Variants in GPRASP1 observed in about 807,000 individuals in gnomAD.
GPRASP1 encodes the protein G protein-coupled receptor associated sorting protein 1.
Under a neutral mutation model 68.4 loss-of-function variants are expected in GPRASP1, and 28 were observed. The ratio of observed to expected loss-of-function variants is 0.41; its 90% CI spans 0.30 to 0.56. The LOEUF (loss-of-function observed/expected upper bound fraction) is 0.56. Among genes scored for constraint, GPRASP1 ranks in the 20% least tolerant of loss-of-function variants. The pLI is 0.29. For synonymous variants in GPRASP1, 304 were observed against 358.2 expected (o/e 0.85, Z 1.71); for missense variants, 913 against 1,031.5 (o/e 0.89, Z 1.57).
Position 102,657,644 on chromosome X carries a change from C to A in GPRASP1, c.3731C>A (p.Thr1244Asn). 1 of 1,210,828 alleles carries A rather than the reference C, an allele frequency of 8.3e-7. No homozygotes were observed. Among genetic ancestry groups the A allele is most frequent in the East Asian group, 3.0e-5 (1 of 33,842 alleles). Reference protein sequence around the residue: ...QTYICKVCEETLAYSVDSPEQ... With the variant: ...QTYICKVCEENLAYSVDSPEQ... ...TACATATGTAAAGTGTGTGAGGAAACCCTTGCTTATAGCGTGGATTCCCCG... is the reference window on the plus strand; with the variant it reads ...TACATATGTAAAGTGTGTGAGGAAAACCTTGCTTATAGCGTGGATTCCCCG... Residue 1244 changes from threonine (T) to asparagine (N), a missense_variant, in exon 6 of 6, where the codon ACC becomes AAC. By Grantham distance (65) the Thr-to-Asn change is moderately conservative (BLOSUM62 0). Transcript: ENST00000537097.
At position 102,658,669 on chromosome X, in the gene GPRASP1, TAAA is replaced by T. The variant is rs11309851; in HGVS notation, c.*580_*582del. ...AAGTTTGGGAAAGATATTGGTGGTG[TAAA>T]AAAAAAAAAAAGCATGGAGTTAGGA... On this transcript the variant is annotated 3_prime_UTR_variant, in exon 6 of 6. Transcript: ENST00000537097. The T allele has an allele frequency of 5.6e-5, 6 of 107,717 alleles. No individual in the cohort carries two copies. The highest frequency in any genetic ancestry group is 2.1e-5 in the Non-Finnish European group (1 of 47,736). The allele number at this position is 107,717 out of a possible 1,213,427, so 8.9% of individuals were successfully genotyped here. A position where few individuals can be genotyped will look rare whatever the true frequency, so the allele number is the denominator to read the frequency against.
rs1442269827 is a variant in GPRASP1 at position 102,654,056 on chromosome X, C to T, written c.143C>T (p.Pro48Leu). 1 of 1,212,148 alleles carries T rather than the reference C, an allele frequency of 8.2e-7. No individual in the cohort carries two copies. Among genetic ancestry groups the T allele is most frequent in the Admixed American group, 2.2e-5 (1 of 46,114 alleles). The change falls in exon 6 of 6, where the codon CCT becomes CTT. Residue 48 changes from proline to leucine, a missense_variant. Coordinates refer to ENST00000537097, the MANE Select transcript of GPRASP1 (RefSeq NM_001184727.2). ...PKVRTQAQIM[P>L]GARPKNKSKV... ...GTTAGGACCCAGGCCCAGATAATGCCTGGGGCAAGGCCCAAGAATAAGTCC... is the reference window on the plus strand; with the variant it reads ...GTTAGGACCCAGGCCCAGATAATGCTTGGGGCAAGGCCCAAGAATAAGTCC...
At chrX:102,651,991 T>C (rs960310155) in intron 2 of GPRASP1, among the ~76,000 whole-genome samples, 184 bp from the exon 3 acceptor site, 30 of 111,550 alleles carry the variant, frequency 2.7e-4, no homozygotes, top group African/African-American at 9.8e-4. Flanking sequence ...CGGGAGGCAG[T>C]TGGGGGGCGC....
chrX:102,657,336 C>T lies in GPRASP1; in HGVS notation c.3423C>T (p.Ser1141=), dbSNP rs145332528. 3.3e-5 allele frequency: 40 copies of T among 1,209,288 alleles called. No homozygotes were observed. Among genetic ancestry groups the T allele is most frequent in the Non-Finnish European group, 4.2e-5 (38 of 894,761 alleles). ...AKESTEPESS[S]CNCIQCELKI... is the part of the protein sequence containing the mutation. ...AGAGTACAGAGCCTGAGAGTTCATC[C>T]TGTAACTGCATACAATGTGAGCTGA... The change falls in exon 6 of 6, where the codon TCC becomes TCT. Residue 1141 remains serine, a synonymous_variant. Transcript: ENST00000537097.
chrX:102,656,534 C>G lies in GPRASP1; in HGVS notation c.2621C>G (p.Thr874Ser). The stretch of plus-strand genomic sequence containing the variant: ...CCTGGGACTGAGGAGGAAGAAATCA[C>G]TGTTGGGTCCTGGTTCTGGCCTGAA... ...SKPGTEEEEI[T>S]VGSWFWPEEE... The change falls in exon 6 of 6, where the codon ACT (threonine) becomes AGT (serine). Residue 874 changes from threonine (T) to serine (S), a missense_variant. By Grantham distance (58) the Thr-to-Ser change is moderately conservative. Transcript: ENST00000537097. The G allele has an allele frequency of 6.6e-6, 8 of 1,209,185 alleles. No individual in the cohort carries two copies. Among genetic ancestry groups the G allele is most frequent in the Non-Finnish European group, 8.9e-6 (8 of 894,068 alleles).
intron 2 of GPRASP1, 74 bp from the exon 3 acceptor site, chrX:102,652,101 G>A (rs929322628): frequency 2.7e-5 from 3 of 113,053 alleles, no homozygotes; most frequent in Non-Finnish European, 3.7e-5. Context: ...AAAGGGGCCT[G>A]TGGGGCCCCG....
In GPRASP1 at chrX:102,655,811, C is replaced by T. The variant is rs748938968; in HGVS notation, c.1898C>T (p.Ser633Phe). The T allele has an allele frequency of 1.7e-6, 2 of 1,208,838 alleles. No homozygotes were observed. Among genetic ancestry groups the T allele is most frequent in the East Asian group, 5.9e-5 (2 of 33,716 alleles). Reference protein sequence around the residue: ...ACVEGDVNSKSSLEDKEEAMI... With the variant: ...ACVEGDVNSKFSLEDKEEAMI... ...GTGGAGGGTGATGTCAACAGCAAGT[C>T]TAGCCTGGAGGACAAGGAAGAGGCC... Residue 633 changes from serine (S) to phenylalanine (F), a missense_variant, in exon 6 of 6, where the codon TCT (serine) becomes TTT (phenylalanine). Coordinates refer to ENST00000537097, the MANE Select transcript of GPRASP1 (RefSeq NM_001184727.2).
Position 102,653,869 on chromosome X carries a change from A to C in GPRASP1, c.-45A>C. 1 of 1,020,336 alleles carries C rather than the reference A, an allele frequency of 9.8e-7. No individual in the cohort carries two copies. The highest frequency in any genetic ancestry group is 1.4e-6 in the Non-Finnish European group (1 of 737,798). The allele number at this position is 1,020,336 out of a possible 1,213,427, so 84.1% of individuals were successfully genotyped here. On this transcript the variant is annotated 5_prime_UTR_variant, in exon 6 of 6. Coordinates refer to ENST00000537097, the MANE Select transcript of GPRASP1 (RefSeq NM_001184727.2). ...TGACAGATCTGTGGTTGAGGTTTAG[A>C]CTGGGGGAGGAGTATAGTACTGGAC...
rs1219742159 is a variant in GPRASP1, at chrX:102,653,772, T to A, written c.-142T>A. ...GGCTGAGTGACTACTGGACTGGATATTGACTCTAACTCTTGTTTCCAAGCT... is the reference window on the plus strand; with the variant it reads ...GGCTGAGTGACTACTGGACTGGATAATGACTCTAACTCTTGTTTCCAAGCT... On this transcript the variant is annotated 5_prime_UTR_variant, in exon 6 of 6. It adds an upstream start codon to the 5' untranslated region. Transcript: ENST00000537097. 1 of 518,414 alleles carries A rather than the reference T, an allele frequency of 1.9e-6. No individual in the cohort carries two copies. Among genetic ancestry groups the A allele is most frequent in the African/African-American group, 2.3e-5 (1 of 42,653 alleles). The allele number at this position is 518,414 out of a possible 1,213,427, so 42.7% of individuals were successfully genotyped here. A position where few individuals can be genotyped will look rare whatever the true frequency, so the allele number is the denominator to read the frequency against.
rs1259000825 is a variant in GPRASP1 at position 102,654,582 on chromosome X, C to G, written c.669C>G (p.Asn223Lys). 1.7e-6 allele frequency: 2 copies of G among 1,208,737 alleles called. No individual in the cohort carries two copies. The highest frequency in any genetic ancestry group is 3.5e-5 in the African/African-American group (2 of 57,144). The stretch of plus-strand genomic sequence containing the variant: ...CTGGGAATAGGGTAAAAGACAGTAA[C>G]AGATCCATGCACATGGCCAATCAAG... ...FHPGNRVKDS[N>K]RSMHMANQEA... is the part of the protein sequence containing the mutation. The change falls in exon 6 of 6, where the codon AAC (asparagine) becomes AAG (lysine). Residue 223 changes from asparagine to lysine, a missense_variant. Physicochemically the swap from Asn to Lys is moderately conservative, Grantham distance 94. Coordinates refer to ENST00000537097, the MANE Select transcript of GPRASP1 (RefSeq NM_001184727.2).
Position 102,658,034 on chromosome X carries a change from A to C in GPRASP1, c.4121A>C (p.Lys1374Thr). ...PLISAFHKVEKFAKELQGKTD... is the reference protein window; with the variant it reads ...PLISAFHKVETFAKELQGKTD... ...ATTTCTGCATTCCACAAAGTTGAGAAATTTGCTAAGGAACTGCAAGGCAAA... is the reference window on the plus strand; with the variant it reads ...ATTTCTGCATTCCACAAAGTTGAGACATTTGCTAAGGAACTGCAAGGCAAA... Residue 1374 changes from lysine (K) to threonine (T), a missense_variant, in exon 6 of 6, where the codon AAA becomes ACA. By Grantham distance (78) the Lys-to-Thr change is moderately conservative (BLOSUM62 -1). Coordinates refer to ENST00000537097, the MANE Select transcript of GPRASP1 (RefSeq NM_001184727.2). The C allele has an allele frequency of 8.3e-7, 1 of 1,202,245 alleles. No homozygotes were observed. Among genetic ancestry groups the C allele is most frequent in the Non-Finnish European group, 1.1e-6 (1 of 888,000 alleles).
At position 102,655,500 on chromosome X, in the gene GPRASP1, T is replaced by C. The variant is rs759618090; in HGVS notation, c.1587T>C (p.Ser529=). 11 of 1,210,833 alleles carry C rather than the reference T, an allele frequency of 9.1e-6. No individual in the cohort carries two copies. The highest frequency in any genetic ancestry group is 1.1e-5 in the Non-Finnish European group (10 of 895,207). ...GGTTCTGGGTCATTGATGCGGCCAG[T>C]GTGGAATCTGGTGTTGGGGTCAGCT... ...GSWFWVIDAA[S]VESGVGVSCE... Residue 529 remains serine, a synonymous_variant, in exon 6 of 6, where the codon AGT becomes AGC. Coordinates refer to ENST00000537097, the MANE Select transcript of GPRASP1 (RefSeq NM_001184727.2).
chrX:102,657,727 A>G lies in GPRASP1; in HGVS notation c.3814A>G (p.Thr1272Ala), dbSNP rs1375817341. The G allele has an allele frequency of 1.7e-6, 2 of 1,203,005 alleles. No homozygotes were observed. The highest frequency in any genetic ancestry group is 3.5e-5 in the African/African-American group (2 of 57,184). Reference protein sequence around the residue: ...RHLTTTTDYHTLVANYMSGFL... With the variant: ...RHLTTTTDYHALVANYMSGFL... ...TCTCACTACTACTACTGACTATCAC[A>G]CACTGGTTGCCAATTATATGTCTGG... Residue 1272 changes from threonine (T) to alanine (A), a missense_variant, in exon 6 of 6, where the codon ACA becomes GCA. Coordinates refer to ENST00000537097, the MANE Select transcript of GPRASP1 (RefSeq NM_001184727.2).
chrX:102,654,409 T>G lies in GPRASP1; in HGVS notation c.496T>G (p.Ser166Ala). ...YQAGFQPSFR[S>A]KEETNMGSWC... ...AGCAGGATTCCAGCCTTCTTTTAGGTCAAAGGAGGAGACCAATATGGGGTC... is the reference window on the plus strand; with the variant it reads ...AGCAGGATTCCAGCCTTCTTTTAGGGCAAAGGAGGAGACCAATATGGGGTC... The change falls in exon 6 of 6, where the codon TCA becomes GCA. Residue 166 changes from serine (S) to alanine (A), a missense_variant. By Grantham distance (99) the Ser-to-Ala change is moderately conservative. Transcript: ENST00000537097. 8.3e-7 allele frequency: 1 copy of G among 1,211,328 alleles called. No homozygotes were observed. Among genetic ancestry groups the G allele is most frequent in the Non-Finnish European group, 1.1e-6 (1 of 895,180 alleles).
At chrX:102,653,093 G>A (rs1460900842) in intron 4 of GPRASP1, 128 bp from the exon 5 acceptor site, 6 of 111,923 alleles carry the variant, frequency 5.4e-5, no homozygotes, top group Non-Finnish European at 1.1e-4. Flanking sequence ...CTGAGAGCAG[G>A]GACCAGGACA....
chrX:102,651,874 T>C (rs765844527), intron 2 of GPRASP1, 141 bp downstream of exon 2: 6 of 112,835 alleles, frequency 5.3e-5, no homozygotes, highest in Non-Finnish European at 1.1e-4. Flanking sequence ...CCAGCCAGCT[T>C]TGCAGGCGCC....
chrX:102,654,942 C>A lies in GPRASP1; in HGVS notation c.1029C>A (p.Phe343Leu). The part of the protein sequence containing the change: ...HRAKREACID[F>L]MPGSIDVIKK... ...CCAAGCGAGAAGCTTGCATTGATTTCATGCCTGGGTCTATAGATGTAATTA... is the reference window on the plus strand; with the variant it reads ...CCAAGCGAGAAGCTTGCATTGATTTAATGCCTGGGTCTATAGATGTAATTA... The change falls in exon 6 of 6, where the codon TTC (phenylalanine) becomes TTA (leucine). Residue 343 changes from phenylalanine (F) to leucine (L), a missense_variant. Phe to Leu is a conservative substitution (Grantham distance 22, BLOSUM62 0). Transcript: ENST00000537097. 1 of 1,211,132 alleles carries A rather than the reference C, an allele frequency of 8.3e-7. No individual in the cohort carries two copies. The highest frequency in any genetic ancestry group is 1.7e-5 in the African/African-American group (1 of 57,828).
chrX:102,655,475 G>T lies in GPRASP1; in HGVS notation c.1562G>T (p.Trp521Leu). Residue 521 changes from tryptophan to leucine, a missense_variant, in exon 6 of 6, where the codon TGG becomes TTG. Physicochemically the swap from Trp to Leu is moderately conservative, Grantham distance 61. Transcript: ENST00000537097. ...GAGGAAGAGACCATTTTTGGGTCGTGGTTCTGGGTCATTGATGCGGCCAGT... is the reference window on the plus strand; with the variant it reads ...GAGGAAGAGACCATTTTTGGGTCGTTGTTCTGGGTCATTGATGCGGCCAGT... ...EAEEETIFGSWFWVIDAASVE... is the reference protein window; with the variant it reads ...EAEEETIFGSLFWVIDAASVE... The T allele has an allele frequency of 1.7e-6, 2 of 1,211,549 alleles. No individual in the cohort carries two copies. Among genetic ancestry groups the T allele is most frequent in the Admixed American group, 4.3e-5 (2 of 46,023 alleles).
chrX:102,656,040 G>C lies in GPRASP1; in HGVS notation c.2127G>C (p.Trp709Cys), dbSNP rs2081407398. ...AGGACATTGTCAATTCGTGGTTCTG[G>C]TCCAGAAAATACACAAAGCCAGAGG... is the stretch of plus-strand genomic sequence containing the variant. Reference protein sequence around the residue: ...EEEDIVNSWFWSRKYTKPEAI... With the variant: ...EEEDIVNSWFCSRKYTKPEAI... Residue 709 changes from tryptophan (W) to cysteine (C), a missense_variant, in exon 6 of 6, where the codon TGG becomes TGC. Coordinates refer to ENST00000537097, the MANE Select transcript of GPRASP1 (RefSeq NM_001184727.2). 8.3e-7 allele frequency: 1 copy of C among 1,211,529 alleles called. No individual in the cohort carries two copies. The highest frequency in any genetic ancestry group is 1.7e-5 in the African/African-American group (1 of 57,788).
Sources: gnomAD v4.1 joint callset for allele counts (sites outside exome capture counted in the v4.1 genomes callset) on GRCh38, gnomAD v4.1.1 for gene constraint, MANE v1.5 for transcripts, NCBI Gene and HGNC (gene_info 2026-07-23, HGNC 2026-07-21) for gene names.